DZIP1L: variants seen among roughly 807,000 people sequenced by gnomAD.
The protein encoded by DZIP1L is cilium assembly protein DZIP1L.
Under a neutral mutation model 88.7 loss-of-function variants are expected in DZIP1L, and 90 were observed. The observed-to-expected ratio is 1.02, with a 90% CI of 0.86 to 1.21. The LOEUF (loss-of-function observed/expected upper bound fraction) is 1.21, where lower values mean the gene tolerates loss of function less well. Among genes scored for constraint, DZIP1L ranks in the 50% most tolerant of loss-of-function variants. The pLI is 0.00. For synonymous variants in DZIP1L, 363 were observed against 372.1 expected (o/e 0.98, Z 0.28); for missense variants, 932 against 955.8 (o/e 0.98, Z 0.33).
chr3:138,095,946 A>T lies in DZIP1L; in HGVS notation c.587-963T>A, dbSNP rs191971490. On this transcript the variant is annotated intron_variant, in intron 3 of 15. Coordinates refer to ENST00000327532, the MANE Select transcript of DZIP1L (RefSeq NM_173543.3). Reference sequence around the variant, plus strand: ...AACCACATACTGACGATAAAGCAAGAGTTAAGGGTCAAAAAAGAATACAAT... The same window carrying T: ...AACCACATACTGACGATAAAGCAAGTGTTAAGGGTCAAAAAAGAATACAAT... 2.3e-3 allele frequency among the ~76,000 whole-genome samples: 356 copies of T among 152,326 alleles called. 5 individuals are homozygous for T. Among genetic ancestry groups the T allele is most frequent in the African/African-American group, 8.3e-3 (345 of 41,548 alleles).
intron 5 of DZIP1L, 58 bp downstream of exon 5, chr3:138,092,325 T>G: frequency 6.9e-7 from 1 of 1,459,810 alleles, no homozygotes; most frequent in Non-Finnish European, 9.0e-7. Context: ...ACTAAGAAAT[T>G]TTGAGAATAA....
chr3:138,089,835 TA>T (rs1184883146), intron 5 of DZIP1L, among the ~76,000 whole-genome samples: 2 of 151,580 alleles, frequency 1.3e-5, no homozygotes, highest in Non-Finnish European at 2.9e-5. Context: ...AGTAATCCTA[TA>T]GGGGAAAGGT....
Position 138,068,199 on chromosome 3 carries a change from C to T in DZIP1L, c.1784G>A (p.Gly595Glu), listed in dbSNP as rs115489792. The T allele has an allele frequency of 0.032, 50,276 of 1,586,196 alleles. 1,035 individuals carry two copies. The highest frequency in any genetic ancestry group is 0.039 in the Non-Finnish European group (45,392 of 1,164,964). The change falls in exon 13 of 16, where the codon GGA becomes GAA. Residue 595 changes from glycine (G) to glutamate (E), a missense_variant. Coordinates refer to ENST00000327532, the MANE Select transcript of DZIP1L (RefSeq NM_173543.3). The stretch of plus-strand genomic sequence containing the variant: ...AGGGGTGCTGGAGGGTCCATGCAGT[C>T]CGGGGCGTGGAGCGGGGGCGGACAC... Reference protein sequence around the residue: ...TQVSAPAPRPGLHGPSSTPPS... With the variant: ...TQVSAPAPRPELHGPSSTPPS...
chr3:138,064,527 A>C (rs767075103), intron 15 of DZIP1L, 101 bp downstream of exon 15: 3 of 1,613,076 alleles, frequency 1.9e-6, no homozygotes, highest in Non-Finnish European at 2.5e-6. Flanking sequence ...GCAAAGGATG[A>C]CACTTGCTGG....
At chr3:138,073,771 G>A (rs1000478897) in intron 11 of DZIP1L, among the ~76,000 whole-genome samples, 2 of 151,982 alleles carry the variant, frequency 1.3e-5, no homozygotes, top group African/African-American at 4.8e-5. Context: ...TAATCAAGGA[G>A]GGACCAAAGA....
intron 2 of DZIP1L, 58 bp from the exon 3 acceptor site, chr3:138,097,905 A>AT: frequency 1.4e-6 from 2 of 1,468,298 alleles, no homozygotes; most frequent in East Asian, 2.3e-5. Context: ...TCAGCCTGGG[A>AT]TTTTCCCTAT....
Position 138,087,191 on chromosome 3 carries a change from G to A in DZIP1L, c.1000-168C>T, listed in dbSNP as rs527648577. Among the ~76,000 whole-genome samples the A allele has an allele frequency of 4.6e-5, 7 of 152,278 alleles. No individual in the cohort carries two copies. The South Asian group carries it at 1.5e-3, about 32-fold the overall frequency. The stretch of plus-strand genomic sequence containing the variant: ...TACATAGAAACTAAGTATGAGGAGA[G>A]GGAGATGGATTATTGACTAATGGTG... On this transcript the variant is annotated intron_variant, in intron 6 of 15. Coordinates refer to ENST00000327532, the MANE Select transcript of DZIP1L (RefSeq NM_173543.3).
intron 11 of DZIP1L, among the ~76,000 whole-genome samples, chr3:138,073,046 G>A (rs573956995): frequency 5.3e-5 from 8 of 152,196 alleles, no homozygotes; most frequent in Admixed American, 2.0e-4. Context: ...GCTCAGACAC[G>A]TCTATCCCTG....
At chr3:138,113,679 G>C (rs956287053) in intron 1 of DZIP1L, among the ~76,000 whole-genome samples, 6 of 152,196 alleles carry the variant, frequency 3.9e-5, no homozygotes, top group African/African-American at 7.2e-5. Context: ...TGCCACTGCA[G>C]AGCTTAGCCT....
chr3:138,105,257 TG>T (rs2042449420), intron 1 of DZIP1L, among the ~76,000 whole-genome samples: 1 of 151,680 alleles, frequency 6.6e-6, no homozygotes, highest in Non-Finnish European at 1.5e-5. Flanking sequence ...GGGAGGGAAA[TG>T]GGAGTGTGGA....
intron 7 of DZIP1L, among the ~76,000 whole-genome samples, chr3:138,085,141 A>G (rs1363447076): frequency 2.6e-5 from 4 of 152,180 alleles, no homozygotes; most frequent in Admixed American, 2.0e-4. Flanking sequence ...TAGACCTAAA[A>G]CCATAAAAAC....
Position 138,063,967 on chromosome 3 carries a change from G to A in DZIP1L, c.2142+661C>T, listed in dbSNP as rs1029603153. 6.6e-6 allele frequency among the ~76,000 whole-genome samples: 1 copy of A among 152,164 alleles called. No homozygotes were observed. Among genetic ancestry groups the A allele is most frequent in the Non-Finnish European group, 1.5e-5 (1 of 68,030 alleles). On this transcript the variant is annotated intron_variant, in intron 15 of 15. Transcript: ENST00000327532. This position sits in a 1 kb window ranked among gnomAD's most constrained non-coding sequence, Gnocchi z 4.1. ...GAGAAAGGAGTGTGAAGTAAAGGGAGCTCTAAAGTTTTCTGCTTGAAAAAT... is the reference window on the plus strand; with the variant it reads ...GAGAAAGGAGTGTGAAGTAAAGGGAACTCTAAAGTTTTCTGCTTGAAAAAT...
intron 3 of DZIP1L, among the ~76,000 whole-genome samples, 167 bp downstream of exon 3, chr3:138,097,596 C>G (rs759005111): frequency 5.3e-5 from 8 of 152,246 alleles, no homozygotes; most frequent in Admixed American, 1.3e-4. Context: ...ACCCTTCCAA[C>G]CCATGTGGGC....
chr3:138,079,857 G>A (rs923266631), intron 10 of DZIP1L, among the ~76,000 whole-genome samples: 7 of 152,158 alleles, frequency 4.6e-5, no homozygotes, highest in African/African-American at 1.4e-4. Context: ...CTCTGAAATT[G>A]TCATATCATT....
At chr3:138,094,192 T>C (rs527960290) in intron 4 of DZIP1L, among the ~76,000 whole-genome samples, 9 of 152,272 alleles carry the variant, frequency 5.9e-5, no homozygotes, top group African/African-American at 1.9e-4. Flanking sequence ...GATATAATAA[T>C]AATGAAAAAG....
chr3:138,107,606 T>C (rs953346101), intron 1 of DZIP1L, among the ~76,000 whole-genome samples: 15 of 152,240 alleles, frequency 9.9e-5, no homozygotes, highest in African/African-American at 3.6e-4. Context: ...CCAAAGCTTA[T>C]GGACTCTGAA....
At chr3:138,085,584 G>A (rs1262895096) in intron 7 of DZIP1L, among the ~76,000 whole-genome samples, 57 of 152,006 alleles carry the variant, frequency 3.7e-4, no homozygotes, top group East Asian at 5.8e-4. Context: ...TTAGAATGGC[G>A]ATCATTAAAA....
chr3:138,104,034 C>T lies in DZIP1L; in HGVS notation c.-63G>A. On this transcript the variant is annotated 5_prime_UTR_variant, in exon 2 of 16. It introduces an in-frame stop codon into an upstream open reading frame of the 5' UTR. Transcript: ENST00000327532. ...GGGCACCAAGGCCACGGCAGTAGGCCAAGGAGCTGAGAGAAGGCCTGGAAA... is the reference window on the plus strand; with the variant it reads ...GGGCACCAAGGCCACGGCAGTAGGCTAAGGAGCTGAGAGAAGGCCTGGAAA... 1 of 1,541,288 alleles carries T rather than the reference C, an allele frequency of 6.5e-7. No homozygotes were observed.
rs1227328839 is a variant in DZIP1L at position 138,103,897 on chromosome 3, C to T, written c.75G>A (p.Lys25=). 4.3e-6 allele frequency: 7 copies of T among 1,613,896 alleles called. No homozygotes were observed. The highest frequency in any genetic ancestry group is 5.9e-6 in the Non-Finnish European group (7 of 1,180,036). The stretch of plus-strand genomic sequence containing the variant: ...CCATGCTATCATGGCGAGGCTGAAA[C>T]TTGAAGGTGGGGAACGTGTAGGCCC... ...LFGAYTFPTF[K]FQPRHDSMDW... The change falls in exon 2 of 16, where the codon AAG becomes AAA. Residue 25 remains lysine, a synonymous_variant. Coordinates refer to ENST00000327532, the MANE Select transcript of DZIP1L (RefSeq NM_173543.3).
Sources: gnomAD v4.1 joint callset for allele counts (sites outside exome capture counted in the v4.1 genomes callset) on GRCh38, gnomAD v4.1.1 for gene constraint, Gnocchi (gnomAD v3.1) non-coding constraint, MANE v1.5 for transcripts, NCBI Gene and HGNC (gene_info 2026-07-23, HGNC 2026-07-21) for gene names.